PRH1: variants seen among roughly 807,000 people sequenced by gnomAD.
PRH1 encodes the protein proline rich protein HaeIII subfamily 1.
In PRH1, 7 loss-of-function variants were observed where a neutral mutation model predicts 7.9. The observed-to-expected ratio is 0.89, with a 90% confidence interval of 0.50 to 1.67. The LOEUF is 1.67. Among genes scored for constraint, PRH1 ranks in the 40% most tolerant of loss-of-function variants. PRH1 has a pLI of 0.00. For synonymous variants in PRH1, 45 were observed against 80.8 expected (o/e 0.56, Z 2.38); for missense variants, 109 against 223.6 (o/e 0.49, Z 3.27).
intron 2 of PRH1, among the ~76,000 whole-genome samples, chr12:10,928,814 A>C (rs957118430): frequency 5.9e-5 from 9 of 152,252 alleles, no homozygotes; most frequent in Non-Finnish European, 1.2e-4. Flanking sequence ...CAAAAGAGTC[A>C]GACATATTGA....
chr12:11,055,032 C>CAT (rs1943306957), intron 1 of PRH1, among the ~76,000 whole-genome samples: 1 of 1,624 alleles, frequency 6.2e-4, no homozygotes, highest in Non-Finnish European at 4.3e-3. Flanking sequence ...GGACTACAGG[C>CAT]GCCTGCCATC....
chr12:10,979,811 T>C (rs1489561641), intron 1 of PRH1, among the ~76,000 whole-genome samples: 1 of 152,150 alleles, frequency 6.6e-6, no homozygotes, highest in Non-Finnish European at 1.5e-5. Context: ...TAAAATTTGC[T>C]GAGATGAGAT....
intron 1 of PRH1, among the ~76,000 whole-genome samples, chr12:11,072,156 T>G (rs183277738): frequency 1.3e-5 from 2 of 152,300 alleles, no homozygotes; most frequent in East Asian, 1.9e-4. Flanking sequence ...GTTTTTTCTT[T>G]TTTTAGTTTT....
chr12:11,144,933 C>T (rs920000648), intron 1 of PRH1, among the ~76,000 whole-genome samples: 1 of 152,196 alleles, frequency 6.6e-6, no homozygotes, highest in East Asian at 1.9e-4. Flanking sequence ...GGGGAAGTCA[C>T]TGTATTTGGG....
At chr12:11,036,503 A>G (rs1942438271) in intron 1 of PRH1, among the ~76,000 whole-genome samples, 2 of 152,234 alleles carry the variant, frequency 1.3e-5, no homozygotes, top group Admixed American at 6.5e-5. Flanking sequence ...GCTCTTTAGA[A>G]ATAAAAGCGT....
At chr12:11,005,050 G>A (rs565521938) in intron 1 of PRH1, among the ~76,000 whole-genome samples, 55 of 152,120 alleles carry the variant, frequency 3.6e-4, no homozygotes, top group Non-Finnish European at 7.7e-4. Context: ...AATTCTATGT[G>A]CACCTGATTT....
chr12:10,916,218 G>A (rs1157617073), intron 2 of PRH1, among the ~76,000 whole-genome samples: 3 of 151,990 alleles, frequency 2.0e-5, no homozygotes, highest in African/African-American at 7.3e-5. Flanking sequence ...GAACAACATG[G>A]GAAAGACCCG....
intron 1 of PRH1, among the ~76,000 whole-genome samples, chr12:11,137,864 A>T (rs924266878): frequency 5.3e-5 from 8 of 152,150 alleles, no homozygotes; most frequent in Non-Finnish European, 1.2e-4. Context: ...TGATGATGGC[A>T]GGTAAAAGGG....
chr12:10,909,247 T>C, intron 2 of PRH1: 1 of 1,613,762 alleles, frequency 6.2e-7, no homozygotes, highest in Non-Finnish European at 8.5e-7. Context: ...TTCCCAATTA[T>C]GAATTCTGCA....
At chr12:11,117,928 T>C (rs1232636399), downstream of PRH1, among the ~76,000 whole-genome samples, 1 of 152,174 alleles carries the variant, frequency 6.6e-6, no homozygotes, top group Non-Finnish European at 1.5e-5. Context: ...GGATTAAAGA[T>C]GTATGATTAA....
In PRH1 at chr12:11,153,479, T is replaced by C. The variant is rs535392373; in HGVS notation, n.39+17943A>G. 6.8e-4 allele frequency among the ~76,000 whole-genome samples: 103 copies of C among 152,290 alleles called. 1 individual carries two copies. The South Asian group carries it at 0.02, about 30-fold the overall frequency. On this transcript the variant is annotated intron_variant and non_coding_transcript_variant, in intron 1 of 1. Transcript: ENST00000541175. ...GAACTTAAAAATTGGGGTGGGCCTG[T>C]AATGGCAGATCCCAAAGAATCTGGA...
At chr12:11,096,860 C>T (rs143095582) in intron 1 of PRH1, among the ~76,000 whole-genome samples, 2,593 of 114,850 alleles carry the variant, frequency 0.023, 819 homozygotes, top group Middle Eastern at 0.038. Context: ...TGCAGCGGCG[C>T]GATCTCGGCT....
chr12:11,140,709 G>A (rs903654140), intron 1 of PRH1, among the ~76,000 whole-genome samples: 9 of 152,100 alleles, frequency 5.9e-5, no homozygotes, highest in Non-Finnish European at 8.8e-5. Context: ...GCATGCCAAG[G>A]AAGAGTTTTT....
chr12:11,045,304 G>T lies in PRH1; in HGVS notation c.-126+1716C>A, dbSNP rs3905682. ...TGGAGGCTAAAGGGAAGGAGTGGCT[G>T]GTTAATGGTTACCAAAAAAAAAAAA... On this transcript the variant is annotated intron_variant, in intron 1 of 3. Transcript: ENST00000539853. Among the ~76,000 whole-genome samples the T allele has an allele frequency of 5.0e-3, 643 of 128,618 alleles. 5 individuals carry two copies. The highest frequency in any genetic ancestry group is 0.018 in the African/African-American group (621 of 35,346). The allele number at this position is 128,618 out of a possible 152,430, so 84.4% of individuals were successfully genotyped here.
At chr12:11,169,251 T>G (rs2416545) in intron 1 of PRH1, among the ~76,000 whole-genome samples, 68,893 of 151,702 alleles carry the variant, frequency 0.45, 16,389 homozygotes, top group Non-Finnish European at 0.52. Context: ...AATATCACCC[T>G]CAGCAAAAGA....
At chr12:10,985,348 G>C (rs1314779842) in intron 1 of PRH1, among the ~76,000 whole-genome samples, 1 of 151,936 alleles carries the variant, frequency 6.6e-6, no homozygotes, top group African/African-American at 2.4e-5. Flanking sequence ...ATATTATTCT[G>C]TGCATCTTTT....
At chr12:10,892,709 T>C (rs372334072) in intron 2 of PRH1, among the ~76,000 whole-genome samples, 7 of 152,202 alleles carry the variant, frequency 4.6e-5, no homozygotes, top group Admixed American at 3.9e-4. Flanking sequence ...TACAGAATTA[T>C]GGGGCTTAGG....
At chr12:10,897,165 T>C (rs1229653823) in intron 2 of PRH1, among the ~76,000 whole-genome samples, 1 of 152,166 alleles carries the variant, frequency 6.6e-6, no homozygotes, top group African/African-American at 2.4e-5. Flanking sequence ...ATACGGTAGA[T>C]ACTAGCCACA....
chr12:11,071,546 T>C (rs1944070355), intron 1 of PRH1, among the ~76,000 whole-genome samples: 1 of 152,184 alleles, frequency 6.6e-6, no homozygotes, highest in Non-Finnish European at 1.5e-5. Flanking sequence ...CAGGTAGTCC[T>C]AAAGCTAACC....
Sources: allele counts gnomAD v4.1 joint callset (sites outside exome capture counted in the v4.1 genomes callset), GRCh38; gene constraint gnomAD v4.1.1; transcripts MANE v1.5; gene names NCBI Gene and HGNC (gene_info 2026-07-23, HGNC 2026-07-21).